KIAA0825: variants seen among roughly 807,000 people sequenced by gnomAD.
The protein encoded by KIAA0825 is KIAA0825, also known as uncharacterized protein KIAA0825.
Under a neutral mutation model 147.6 loss-of-function variants are expected in KIAA0825, and 119 were observed. That is an observed-to-expected ratio of 0.81 (90% CI 0.69 to 0.94). The LOEUF is 0.94. KIAA0825 is among the 40% of genes least tolerant of loss of function. The pLI, the probability that KIAA0825 is intolerant of heterozygous loss-of-function variation, is 0.00. For missense variants in KIAA0825, 1,381 were observed against 1,472.7 expected (o/e 0.94, Z 1.02); for synonymous variants, 470 against 518.1 (o/e 0.91, Z 1.26).
chr5:94,372,977 G>A (rs935853231), intron 20 of KIAA0825, among the ~76,000 whole-genome samples: 2 of 152,174 alleles, frequency 1.3e-5, no homozygotes, highest in African/African-American at 2.4e-5. Context: ...AAAGCTGCCA[G>A]TCTCTTTGCT....
chr5:94,270,182 C>T (rs1487024645), intron 20 of KIAA0825, among the ~76,000 whole-genome samples: 1 of 152,106 alleles, frequency 6.6e-6, no homozygotes, highest in Non-Finnish European at 1.5e-5. Flanking sequence ...ACTGCATTAG[C>T]TGACTTCAAA....
At chr5:94,234,240 G>A (rs932150724) in intron 20 of KIAA0825, among the ~76,000 whole-genome samples, 12 of 151,752 alleles carry the variant, frequency 7.9e-5, no homozygotes, top group South Asian at 2.1e-4. Context: ...GCGTGGTGGC[G>A]GGCACCTGTA....
chr5:94,585,526 C>T (rs1223100847), intron 1 of KIAA0825, among the ~76,000 whole-genome samples: 3 of 152,112 alleles, frequency 2.0e-5, no homozygotes, highest in Admixed American at 6.5e-5. Flanking sequence ...ACAGGGGCAC[C>T]CAGATTCATA....
intron 19 of KIAA0825, among the ~76,000 whole-genome samples, chr5:94,385,595 T>G (rs1368682969): frequency 6.6e-6 from 1 of 152,234 alleles, no homozygotes; most frequent in East Asian, 1.9e-4. Flanking sequence ...CAACTTTATA[T>G]TTCAAATACT....
At chr5:94,567,479 T>C (rs1206355130) in intron 2 of KIAA0825, 1 of 152,182 alleles carries the variant, frequency 6.6e-6, no homozygotes, top group Non-Finnish European at 1.5e-5. Flanking sequence ...CATTAATCAA[T>C]TTTTCAAATA....
At chr5:94,278,120 G>A (rs1254182854) in intron 20 of KIAA0825, among the ~76,000 whole-genome samples, 1 of 152,050 alleles carries the variant, frequency 6.6e-6, no homozygotes, top group Non-Finnish European at 1.5e-5. Flanking sequence ...CAGGGGGTTG[G>A]GGGCAAGTGG....
intron 3 of KIAA0825, among the ~76,000 whole-genome samples, chr5:94,533,959 G>A (rs1395191865): frequency 1.3e-5 from 2 of 152,160 alleles, no homozygotes; most frequent in Non-Finnish European, 2.9e-5. Context: ...GGAGGCAATA[G>A]ACCCTGTGGC....
intron 20 of KIAA0825, among the ~76,000 whole-genome samples, chr5:94,247,874 G>A (rs1775712067): frequency 6.6e-6 from 1 of 152,030 alleles, no homozygotes; most frequent in Admixed American, 6.6e-5. Flanking sequence ...TCAGTAGAAG[G>A]CAATGGAGAT....
intron 1 of KIAA0825, among the ~76,000 whole-genome samples, chr5:94,602,646 T>G (rs1245067477): frequency 6.6e-6 from 1 of 152,098 alleles, no homozygotes; most frequent in Non-Finnish European, 1.5e-5. Context: ...TTCACTTGGC[T>G]CTCATCTCTC....
chr5:94,527,617 T>C (rs1769599554), intron 3 of KIAA0825, among the ~76,000 whole-genome samples: 1 of 152,038 alleles, frequency 6.6e-6, no homozygotes, highest in African/African-American at 2.4e-5. Context: ...AACTTTTACA[T>C]TTTGATGCTC....
At chr5:94,434,035 A>G (rs1756030755) in intron 14 of KIAA0825, among the ~76,000 whole-genome samples, 1 of 152,216 alleles carries the variant, frequency 6.6e-6, no homozygotes, top group Admixed American at 6.5e-5. Flanking sequence ...GTCAAAAGTC[A>G]ATAATTCAAA....
At chr5:94,498,977 G>A (rs1382806178) in intron 5 of KIAA0825, among the ~76,000 whole-genome samples, 1 of 152,018 alleles carries the variant, frequency 6.6e-6, no homozygotes, top group Non-Finnish European at 1.5e-5. Context: ...GTCTTATAAG[G>A]TTTTTCTCCC....
chr5:94,546,841 G>T (rs1213185922), intron 2 of KIAA0825, among the ~76,000 whole-genome samples: 1 of 138,952 alleles, frequency 7.2e-6, no homozygotes, highest in African/African-American at 2.7e-5. Context: ...GACCATCCAG[G>T]AAAACATGAC....
chr5:94,399,267 C>A (rs1030784886), intron 16 of KIAA0825, among the ~76,000 whole-genome samples: 1 of 151,882 alleles, frequency 6.6e-6, no homozygotes, highest in African/African-American at 2.4e-5. Flanking sequence ...TCTCATAGTC[C>A]CTATTCTGCT....
intron 16 of KIAA0825, among the ~76,000 whole-genome samples, chr5:94,397,826 T>A (rs571497335): frequency 6.6e-6 from 1 of 152,280 alleles, no homozygotes; most frequent in South Asian, 2.1e-4. Context: ...TTGGCCTTTC[T>A]CCAGAGCTGT....
chr5:94,597,200 T>A (rs1785462822), intron 1 of KIAA0825, among the ~76,000 whole-genome samples: 1 of 152,198 alleles, frequency 6.6e-6, no homozygotes, highest in Non-Finnish European at 1.5e-5. Context: ...TTCAGTATGA[T>A]GTTGGCTGAG....
chr5:94,313,617 CTTT>C (rs55688689), intron 20 of KIAA0825, among the ~76,000 whole-genome samples: 3 of 141,934 alleles, frequency 2.1e-5, no homozygotes, highest in Admixed American at 1.4e-4. Flanking sequence ...AGGGAGGTTT[CTTT>C]TTTTTTTTTT....
intron 2 of KIAA0825, among the ~76,000 whole-genome samples, chr5:94,556,290 G>A (rs1176359965): frequency 1.3e-5 from 2 of 152,084 alleles, no homozygotes; most frequent in Non-Finnish European, 2.9e-5. Context: ...ATGTTGGCCA[G>A]GTTGGTCTGG....
chr5:94,502,406 A>G (rs191686423), intron 5 of KIAA0825, among the ~76,000 whole-genome samples: 1 of 152,322 alleles, frequency 6.6e-6, no homozygotes, highest in East Asian at 1.9e-4. Context: ...ACCCAATTGC[A>G]CTGAAATTGA....
Sources: allele counts gnomAD v4.1 joint callset (sites outside exome capture counted in the v4.1 genomes callset), GRCh38; gene constraint gnomAD v4.1.1; transcripts MANE v1.5; gene names NCBI Gene and HGNC (gene_info 2026-07-23, HGNC 2026-07-21).